The following GPAT3 variants were observed in gnomAD, a reference collection of about 807,000 sequenced individuals.
GPAT3 encodes 1-AGP acyltransferase 9.
In GPAT3, 53 loss-of-function variants were observed where a neutral mutation model predicts 58.8. The observed-to-expected ratio is 0.90, with a 90% CI of 0.72 to 1.13. The LOEUF (loss-of-function observed/expected upper bound fraction) is 1.13. Among genes scored for constraint, GPAT3 ranks in the 50% most tolerant of loss-of-function variants. The probability of loss-of-function intolerance (pLI) is 0.00; values close to 1 mark genes in which losing one functional copy is unlikely to be tolerated. For missense variants in GPAT3, 511 were observed against 527.6 expected (o/e 0.97, Z 0.31); for synonymous variants, 197 against 187.4 (o/e 1.05, Z -0.42).
chr4:83,580,517 C>T (rs1726068506), intron 2 of GPAT3, among the ~76,000 whole-genome samples: 1 of 152,136 alleles, frequency 6.6e-6, no homozygotes, highest in East Asian at 1.9e-4. Flanking sequence ...AGTTATTGAT[C>T]ATCAGCAAAA....
intron 1 of GPAT3, among the ~76,000 whole-genome samples, chr4:83,542,693 G>T (rs557996785): frequency 6.6e-6 from 1 of 152,048 alleles, no homozygotes; most frequent in Non-Finnish European, 1.5e-5. Flanking sequence ...TTTTGACTTG[G>T]CATATTAATA....
Position 83,598,684 on chromosome 4 carries a change from C to G in GPAT3, c.1166C>G (p.Ser389Cys). 1 of 1,489,334 alleles carries G rather than the reference C, an allele frequency of 6.7e-7. No individual in the cohort carries two copies. Among genetic ancestry groups the G allele is most frequent in the South Asian group, 1.1e-5 (1 of 88,120 alleles). The allele number at this position is 1,489,334 out of a possible 1,614,324, so 92.3% of individuals were successfully genotyped here. Residue 389 changes from serine (S) to cysteine (C), a missense_variant, in exon 11 of 12, where the codon TCT (serine) becomes TGT (cysteine). Coordinates refer to ENST00000264409, the MANE Select transcript of GPAT3 (RefSeq NM_032717.5). Reference protein sequence around the residue: ...DAVQFANRVKSAIAIQGGLTE... With the variant: ...DAVQFANRVKCAIAIQGGLTE... The stretch of plus-strand genomic sequence containing the variant: ...GTCCAGTTTGCTAACAGGGTTAAGT[C>G]TGCTATTGCTATACAAGGAGGCCTG...
intron 2 of GPAT3, among the ~76,000 whole-genome samples, chr4:83,577,759 T>A (rs1387770331): frequency 6.6e-6 from 1 of 150,380 alleles, no homozygotes; most frequent in Non-Finnish European, 1.5e-5. Context: ...TTATCAGGCT[T>A]ATGGGTATGA....
chr4:83,592,058 G>A (rs140513420), intron 6 of GPAT3, among the ~76,000 whole-genome samples: 7 of 152,116 alleles, frequency 4.6e-5, no homozygotes, highest in East Asian at 1.9e-4. Context: ...AGTATCTCTC[G>A]TTATGCCCCA....
chr4:83,576,538 G>A (rs546890718), intron 2 of GPAT3, among the ~76,000 whole-genome samples: 6 of 151,930 alleles, frequency 3.9e-5, no homozygotes, highest in South Asian at 4.2e-4. Context: ...CTGCTTCCCC[G>A]ATTCAAGCGA....
In GPAT3 at chr4:83,598,710, ACTGAACTTCC is replaced by A. The variant is rs1378993106; in HGVS notation, c.1196_1205del (p.Glu399GlyfsTer5). 4 of 1,472,622 alleles carry A rather than the reference ACTGAACTTCC, an allele frequency of 2.7e-6. No individual in the cohort carries two copies. The highest frequency in any genetic ancestry group is 3.6e-6 in the Non-Finnish European group (4 of 1,095,922). 91.2% of individuals were successfully genotyped at this position (1,472,622 alleles called of 1,614,324 possible). On this transcript the variant is annotated frameshift_variant, in exon 11 of 12. Coordinates refer to ENST00000264409, the MANE Select transcript of GPAT3 (RefSeq NM_032717.5). LOFTEE classifies it high-confidence loss of function. ...TGCTATTGCTATACAAGGAGGCCTGACTGAACTTCCCTGGTAAGAGAACTTTCAGAAGTAC... is the reference window on the plus strand; with the variant it reads ...TGCTATTGCTATACAAGGAGGCCTGACTGGTAAGAGAACTTTCAGAAGTAC...
At chr4:83,563,776 C>T (rs1426599272) in intron 2 of GPAT3, among the ~76,000 whole-genome samples, 3 of 152,106 alleles carry the variant, frequency 2.0e-5, no homozygotes, top group South Asian at 2.1e-4. Context: ...CCACTGTACC[C>T]GGCCAAGTGT....
intron 2 of GPAT3, among the ~76,000 whole-genome samples, chr4:83,577,091 T>C (rs1260915428): frequency 2.0e-5 from 3 of 152,238 alleles, no homozygotes; most frequent in Non-Finnish European, 4.4e-5. Flanking sequence ...ATTGTATTAT[T>C]ACTTCCCAAA....
chr4:83,543,472 G>A (rs1724386042), intron 1 of GPAT3, among the ~76,000 whole-genome samples: 2 of 152,010 alleles, frequency 1.3e-5, no homozygotes, highest in African/African-American at 2.4e-5. Context: ...ATCTGGGTAC[G>A]TTTCTTTATA....
chr4:83,571,787 G>T (rs1287644740), intron 2 of GPAT3, among the ~76,000 whole-genome samples: 3 of 150,436 alleles, frequency 2.0e-5, no homozygotes, highest in African/African-American at 7.3e-5. Context: ...TGTTGTTGTT[G>T]TTTGAGATGG....
intron 3 of GPAT3, 87 bp downstream of exon 3, chr4:83,581,919 T>G: frequency 6.7e-7 from 1 of 1,502,574 alleles, no homozygotes; most frequent in Non-Finnish European, 8.9e-7. Context: ...AAGTGTTCTG[T>G]GGTGCTTATT....
chr4:83,543,546 T>C (rs928161364), intron 1 of GPAT3, among the ~76,000 whole-genome samples: 12 of 152,220 alleles, frequency 7.9e-5, no homozygotes, highest in Admixed American at 3.9e-4. Flanking sequence ...CTCAAATCTG[T>C]AGATCTTCAT....
At chr4:83,581,926 T>G in intron 3 of GPAT3, 94 bp downstream of exon 3, 1 of 1,471,508 alleles carries the variant, frequency 6.8e-7, no homozygotes, top group Non-Finnish European at 9.1e-7. Context: ...CTGTGGTGCT[T>G]ATTCCACCCA....
chr4:83,547,456 G>T (rs942138133), intron 2 of GPAT3, among the ~76,000 whole-genome samples: 10 of 151,534 alleles, frequency 6.6e-5, no homozygotes, highest in East Asian at 1.9e-4. Context: ...GTTTCACCGT[G>T]TTAGCCAGGA....
chr4:83,590,337 G>A, intron 6 of GPAT3, 45 bp downstream of exon 6: 2 of 1,578,486 alleles, frequency 1.3e-6, no homozygotes, highest in South Asian at 2.3e-5. Context: ...ATGTTTTATG[G>A]ATTGATCAAA....
chr4:83,536,848 A>T, intron 1 of GPAT3, 85 bp downstream of exon 1: 1 of 1,354,344 alleles, frequency 7.4e-7, no homozygotes. Context: ...AGTGGTCGCG[A>T]GTCAGGGGTG....
intron 2 of GPAT3, among the ~76,000 whole-genome samples, chr4:83,568,801 G>A (rs572431149): frequency 4.1e-4 from 62 of 152,102 alleles, no homozygotes; most frequent in Non-Finnish European, 7.9e-4. Context: ...CACCACGCCC[G>A]GCCTGTATTC....
At chr4:83,573,715 A>G (rs1270972938) in intron 2 of GPAT3, among the ~76,000 whole-genome samples, 3 of 152,194 alleles carry the variant, frequency 2.0e-5, no homozygotes, top group Non-Finnish European at 2.9e-5. Flanking sequence ...GGAGCTTCTC[A>G]TGCCAGGAAA....
At chr4:83,554,576 G>C (rs1388928795) in intron 2 of GPAT3, among the ~76,000 whole-genome samples, 1 of 151,924 alleles carries the variant, frequency 6.6e-6, no homozygotes, top group Non-Finnish European at 1.5e-5. Context: ...TATATGAGGG[G>C]GTCTTGTTAA....
Sources: allele counts gnomAD v4.1 joint callset (sites outside exome capture counted in the v4.1 genomes callset), GRCh38; gene constraint gnomAD v4.1.1; transcripts MANE v1.5; gene names NCBI Gene and HGNC (gene_info 2026-07-23, HGNC 2026-07-21).